CCDC186: variants seen among roughly 807,000 people sequenced by gnomAD.
The protein encoded by CCDC186 is coiled-coil domain containing 186.
CCDC186 carries 49 observed loss-of-function variants against 113.7 expected under a neutral mutation model. That is an observed-to-expected ratio of 0.43 (90% CI 0.34 to 0.55). The LOEUF is 0.55. Among genes scored for constraint, CCDC186 ranks in the 20% least tolerant of loss-of-function variants. The pLI, the probability that CCDC186 is intolerant of heterozygous loss-of-function variation, is 0.02. For synonymous variants in CCDC186, 355 were observed against 345.8 expected, an observed-to-expected ratio of 1.03 and a Z score of -0.30; for missense variants, 890 against 1,011.1, an observed-to-expected ratio of 0.88 and a Z score of 1.62.
At chr10:114,160,960 C>T (rs2032152971) in intron 2 of CCDC186, among the ~76,000 whole-genome samples, 1 of 152,182 alleles carries the variant, frequency 6.6e-6, no homozygotes, top group African/African-American at 2.4e-5. Context: ...TATTGTCACT[C>T]TAAGGTGAAA....
chr10:114,162,654 C>T lies in CCDC186; in HGVS notation c.615G>A (p.Gln205=). 6.4e-7 allele frequency: 1 copy of T among 1,574,018 alleles called. No homozygotes were observed. The highest frequency in any genetic ancestry group is 1.4e-5 in the African/African-American group (1 of 73,034). Residue 205 remains glutamine (Q), a synonymous_variant, in exon 2 of 16, where the codon CAG becomes CAA. Transcript: ENST00000369287. ...EKCVQDKYLQ[Q]EHIIKKLIKE... ...AAACTTACTTTTTTATGATATGTTC[C>T]TGCTGCAAATATTTATCTTGCACAC... is the stretch of plus-strand genomic sequence containing the variant.
intron 4 of CCDC186, among the ~76,000 whole-genome samples, chr10:114,148,546 C>T (rs750302280): frequency 1.3e-5 from 2 of 152,136 alleles, no homozygotes; most frequent in Non-Finnish European, 2.9e-5. Context: ...GTAGCTTCTA[C>T]AAGTATGGCA....
intron 2 of CCDC186, chr10:114,161,948 A>G (rs949603787): frequency 6.6e-6 from 1 of 152,018 alleles, no homozygotes; most frequent in African/African-American, 2.4e-5. Flanking sequence ...AAAGTATATG[A>G]TTTCACCTAC....
At chr10:114,134,861 T>C (rs1210967661) in intron 10 of CCDC186, 52 bp downstream of exon 10, 1 of 1,544,354 alleles carries the variant, frequency 6.5e-7, no homozygotes, top group East Asian at 2.4e-5. Flanking sequence ...AATCTTGAAA[T>C]AAAATTTAAA....
At position 114,122,724 on chromosome 10, in the gene CCDC186, T is replaced by C; in HGVS notation, c.*2419A>G. The C allele has an allele frequency of 6.6e-6, 1 of 152,208 alleles. No homozygotes were observed. Among genetic ancestry groups the C allele is most frequent in the Non-Finnish European group, 1.5e-5 (1 of 68,036 alleles). The allele number at this position is 152,208 out of a possible 1,614,324, so 9.4% of individuals were successfully genotyped here. ...GTCTGTGAATTAGTATAGAGATAAGTATCTCTGATACATGTAATTACTTTG... is the reference window on the plus strand; with the variant it reads ...GTCTGTGAATTAGTATAGAGATAAGCATCTCTGATACATGTAATTACTTTG... On this transcript the variant is annotated 3_prime_UTR_variant, in exon 16 of 16. Coordinates refer to ENST00000369287, the MANE Select transcript of CCDC186 (RefSeq NM_018017.4).
Position 114,123,476 on chromosome 10 carries a change from G to C in CCDC186, c.*1667C>G, listed in dbSNP as rs1458991823. The C allele has an allele frequency of 1.3e-5, 2 of 152,064 alleles. No individual in the cohort carries two copies. Among genetic ancestry groups the C allele is most frequent in the African/African-American group, 4.8e-5 (2 of 41,422 alleles). The allele number at this position is 152,064 out of a possible 1,614,324, so 9.4% of individuals were successfully genotyped here. A position where few individuals can be genotyped will look rare whatever the true frequency, so the allele number is the denominator to read the frequency against. On this transcript the variant is annotated 3_prime_UTR_variant, in exon 16 of 16. Coordinates refer to ENST00000369287, the MANE Select transcript of CCDC186 (RefSeq NM_018017.4). ...CATTAAAAGGATATTGCCACCATGA[G>C]CCCAACTTTTAGAGCCCAAACAATT...
intron 6 of CCDC186, among the ~76,000 whole-genome samples, chr10:114,140,689 C>T (rs2031440003): frequency 6.6e-6 from 1 of 152,094 alleles, no homozygotes; most frequent in South Asian, 2.1e-4. Flanking sequence ...CTAATCTTGT[C>T]CTCTGCAGTT....
At position 114,144,527 on chromosome 10, in the gene CCDC186, G is replaced by C. The variant is rs762474216; in HGVS notation, c.1191C>G (p.Asn397Lys). ...GTGAATCCATTTCAGCTTTTAATTT[G>C]TTTTGTGCCCACTTTACTTTGATGA... ...SHVIKVKWAQ[N>K]KLKAEMDSHK... Residue 397 changes from asparagine (N) to lysine (K), a missense_variant, in exon 6 of 16, where the codon AAC becomes AAG. Physicochemically the swap from Asn to Lys is moderately conservative, Grantham distance 94. Transcript: ENST00000369287. The C allele has an allele frequency of 2.5e-6, 4 of 1,612,982 alleles. No homozygotes were observed. Among genetic ancestry groups the C allele is most frequent in the Non-Finnish European group, 3.4e-6 (4 of 1,179,408 alleles).
At position 114,121,176 on chromosome 10, in the gene CCDC186, TTTTC is replaced by T. The variant is rs1318060647; in HGVS notation, c.*3963_*3966del. ...TCCATGTTTAGATTACCTTTTCAAT[TTTTC>T]TTTGTTCATCTTTGAAAAATTTCAG... On this transcript the variant is annotated 3_prime_UTR_variant, in exon 16 of 16. Coordinates refer to ENST00000369287, the MANE Select transcript of CCDC186 (RefSeq NM_018017.4). The T allele has an allele frequency of 6.6e-6, 1 of 152,198 alleles. No individual in the cohort carries two copies. Among genetic ancestry groups the T allele is most frequent in the Non-Finnish European group, 1.5e-5 (1 of 68,030 alleles). 9.4% of individuals were successfully genotyped at this position (152,198 alleles called of 1,614,324 possible).
At chr10:114,141,877 T>C (rs2031479177) in intron 6 of CCDC186, among the ~76,000 whole-genome samples, 2 of 152,290 alleles carry the variant, frequency 1.3e-5, no homozygotes, top group South Asian at 4.1e-4. Flanking sequence ...TTCCCTTCAC[T>C]CAGAGATCAC....
chr10:114,135,791 C>A, intron 9 of CCDC186, 100 bp downstream of exon 9: 1 of 926,764 alleles, frequency 1.1e-6, no homozygotes, highest in South Asian at 1.6e-5. Context: ...TGGAACATTT[C>A]TATATTAATG....
At chr10:114,135,782 G>C (rs1390362430) in intron 9 of CCDC186, 109 bp downstream of exon 9, 1 of 865,416 alleles carries the variant, frequency 1.2e-6, no homozygotes, top group South Asian at 1.7e-5. Flanking sequence ...CCTTTATTAT[G>C]GAACATTTCT....
In CCDC186 at chr10:114,157,578, C is replaced by T. The variant is rs2032048488; in HGVS notation, c.735G>A (p.Lys245=). Residue 245 remains lysine (K), a synonymous_variant, in exon 3 of 16, where the codon AAG becomes AAA. Coordinates refer to ENST00000369287, the MANE Select transcript of CCDC186 (RefSeq NM_018017.4). ...EELKKRTETE[K]QHMNTIKQLE... ...CCTGTTTAATTGTGTTCATATGCTG[C>T]TTCTCAGTTTCTGTTCTTTTCTTTA... 1.2e-6 allele frequency: 2 copies of T among 1,609,464 alleles called. No individual in the cohort carries two copies. Among genetic ancestry groups the T allele is most frequent in the African/African-American group, 1.3e-5 (1 of 74,456 alleles).
intron 1 of CCDC186, among the ~76,000 whole-genome samples, chr10:114,165,595 G>A (rs1188010648): frequency 6.6e-6 from 1 of 152,152 alleles, no homozygotes; most frequent in African/African-American, 2.4e-5. Flanking sequence ...GGGAGCTGAG[G>A]CAGAGAACTG....
chr10:114,168,482 C>T (rs1375756903), intron 1 of CCDC186, among the ~76,000 whole-genome samples: 1 of 152,140 alleles, frequency 6.6e-6, no homozygotes, highest in African/African-American at 2.4e-5. Flanking sequence ...CTATATATAA[C>T]ATCACTATTG....
rs114161012 is a variant in CCDC186, at chr10:114,142,422, G to A, written c.1221+2075C>T. Among the ~76,000 whole-genome samples the A allele has an allele frequency of 4.3e-3, 653 of 152,304 alleles. 4 individuals are homozygous for A. The highest frequency in any genetic ancestry group is 0.014 in the African/African-American group (600 of 41,552). On this transcript the variant is annotated intron_variant, in intron 6 of 15. Transcript: ENST00000369287. Reference sequence around the variant, plus strand: ...ACCACAGCCACATCTATTGCTAGCCGTATATACGTTCAGTGAGATTATCTC... The same window carrying A: ...ACCACAGCCACATCTATTGCTAGCCATATATACGTTCAGTGAGATTATCTC...
intron 3 of CCDC186, among the ~76,000 whole-genome samples, chr10:114,155,074 G>C (rs902685422): frequency 6.6e-6 from 1 of 152,182 alleles, no homozygotes; most frequent in East Asian, 1.9e-4. Context: ...CTAGGGCAGG[G>C]TTGAGGGAGT....
chr10:114,125,662 C>T (rs2030874641), intron 15 of CCDC186, among the ~76,000 whole-genome samples: 1 of 152,260 alleles, frequency 6.6e-6, no homozygotes, highest in Non-Finnish European at 1.5e-5. Context: ...AATTTAATGA[C>T]ATCTTAGTGT....
intron 8 of CCDC186, 62 bp downstream of exon 8, chr10:114,136,086 C>G: frequency 2.0e-6 from 3 of 1,517,186 alleles, no homozygotes; most frequent in Non-Finnish European, 2.7e-6. Context: ...AATAAGTTCT[C>G]ACTATTTCTC....
Sources: allele counts gnomAD v4.1 joint callset (sites outside exome capture counted in the v4.1 genomes callset), GRCh38; gene constraint gnomAD v4.1.1; transcripts MANE v1.5; gene names NCBI Gene and HGNC (gene_info 2026-07-23, HGNC 2026-07-21).